Variants in ATXN10 observed in about 807,000 individuals in gnomAD.
The protein encoded by ATXN10 is ataxin 10, also known as ataxin-10.
ATXN10 carries 28 observed loss-of-function variants against 52.9 expected under a neutral mutation model. That is an observed-to-expected ratio of 0.53 (90% CI 0.39 to 0.73). ATXN10 has a LOEUF of 0.73. ATXN10 is among the 30% of genes least tolerant of loss of function. The probability of loss-of-function intolerance (pLI) is 0.00; values close to 1 mark genes in which losing one functional copy is unlikely to be tolerated. For missense variants in ATXN10, 565 were observed against 577.0 expected (o/e 0.98, Z 0.21); for synonymous variants, 226 against 221.5 (o/e 1.02, Z -0.18).
intron 5 of ATXN10, among the ~76,000 whole-genome samples, chr22:45,711,230 C>T (rs1014826914): frequency 1.3e-5 from 2 of 151,718 alleles, no homozygotes; most frequent in African/African-American, 2.4e-5. Context: ...GGGAAGATCT[C>T]ATGGTAATTA....
Position 45,684,308 on chromosome 22 carries a change from CA to C in ATXN10, c.117-5402del, listed in dbSNP as rs1220039309. Among the ~76,000 whole-genome samples the C allele has an allele frequency of 6.6e-6, 1 of 152,044 alleles. No individual in the cohort carries two copies. Among genetic ancestry groups the C allele is most frequent in the African/African-American group, 2.4e-5 (1 of 41,394 alleles). The stretch of plus-strand genomic sequence containing the variant: ...TTTGTTCTGATGAAAGATGAATTTT[CA>C]ATGTGATGAGGACAGTGGGAAAGAG... On this transcript the variant is annotated intron_variant, in intron 1 of 11. Transcript: ENST00000252934. The surrounding 1 kb of genome is among the most constrained non-coding windows in gnomAD (Gnocchi z 4.1).
chr22:45,740,754 G>GTGTATA, intron 9 of ATXN10: 1 of 286,154 alleles, frequency 3.5e-6, no homozygotes, highest in African/African-American at 2.5e-5. Context: ...GTGTGTGTGT[G>GTGTATA]TATATATATA....
At chr22:45,768,106 C>T (rs1324116220) in intron 9 of ATXN10, among the ~76,000 whole-genome samples, 1 of 152,008 alleles carries the variant, frequency 6.6e-6, no homozygotes, top group African/African-American at 2.4e-5. Flanking sequence ...TTTTTCTTTC[C>T]AGAAAGTGCC....
chr22:45,841,780 T>C lies in ATXN10; in HGVS notation c.1238-1211T>C, dbSNP rs1873514033. Among the ~76,000 whole-genome samples, 2 of 152,310 alleles carry C rather than the reference T, an allele frequency of 1.3e-5. No homozygotes were observed. The highest frequency in any genetic ancestry group is 4.8e-5 in the African/African-American group (2 of 41,564). ...GAAAGAGCACCAGCTTTGTGAATGT[T>C]GAAGTTTTCTCTGTGTTCTCATGCC... On this transcript the variant is annotated intron_variant, in intron 10 of 11. Coordinates refer to ENST00000252934, the MANE Select transcript of ATXN10 (RefSeq NM_013236.4). This position sits in a 1 kb window ranked among gnomAD's most constrained non-coding sequence, Gnocchi z 5.1.
chr22:45,758,180 C>G (rs1055765337), intron 9 of ATXN10, among the ~76,000 whole-genome samples: 1 of 152,222 alleles, frequency 6.6e-6, no homozygotes, highest in Non-Finnish European at 1.5e-5. Context: ...GGCTCAGAGT[C>G]GTCCACACTG....
At chr22:45,813,487 G>A in intron 10 of ATXN10, among the ~76,000 whole-genome samples, 1 of 124,510 alleles carries the variant, frequency 8.0e-6, no homozygotes, top group African/African-American at 3.1e-5. Context: ...CACCTAATTT[G>A]TAAGAAAACA....
rs993727721 is a variant in ATXN10, at chr22:45,828,867, T to C, written c.1238-14124T>C. Among the ~76,000 whole-genome samples the C allele has an allele frequency of 6.6e-6, 1 of 152,134 alleles. No individual in the cohort carries two copies. The highest frequency in any genetic ancestry group is 2.4e-5 in the African/African-American group (1 of 41,430). On this transcript the variant is annotated intron_variant, in intron 10 of 11. Transcript: ENST00000252934. The surrounding 1 kb of genome is among the most constrained non-coding windows in gnomAD (Gnocchi z 4.5). ...ACTAATACCAATCCTTCTCAAACTT[T>C]TCCAAAAAAATTGAGGAGAAGAGAA...
At chr22:45,747,272 G>A (rs1236675453) in intron 9 of ATXN10, among the ~76,000 whole-genome samples, 1 of 152,176 alleles carries the variant, frequency 6.6e-6, no homozygotes, top group Non-Finnish European at 1.5e-5. Flanking sequence ...TTGGAAGGCT[G>A]AGGCGGGAGA....
At chr22:45,782,149 A>G (rs1168663822) in intron 9 of ATXN10, among the ~76,000 whole-genome samples, 4 of 152,226 alleles carry the variant, frequency 2.6e-5, no homozygotes, top group Non-Finnish European at 4.4e-5. Flanking sequence ...CTATTAACCC[A>G]TCATTCCTGT....
intron 9 of ATXN10, chr22:45,740,744 G>GTA: frequency 2.8e-6 from 1 of 362,966 alleles, no homozygotes; most frequent in South Asian, 3.8e-5. Flanking sequence ...ACACACGTGT[G>GTA]TGTGTGTGTG....
At chr22:45,672,234 C>G in intron 1 of ATXN10, 55 bp downstream of exon 1, 2 of 1,431,476 alleles carry the variant, frequency 1.4e-6, no homozygotes, top group Non-Finnish European at 1.8e-6. Context: ...CCGGGACTCC[C>G]GCGGCGGCCC....
At chr22:45,694,940 CAAAAAAAAAA>C (rs748780048) in intron 3 of ATXN10, among the ~76,000 whole-genome samples, 18 of 21,924 alleles carry the variant, frequency 8.2e-4, no homozygotes, top group Non-Finnish European at 1.8e-3. Flanking sequence ...GACTCTGTCT[CAAAAAAAAAA>C]AAAAAAAAAA....
At chr22:45,747,218 G>A (rs946934997) in intron 9 of ATXN10, among the ~76,000 whole-genome samples, 12 of 152,252 alleles carry the variant, frequency 7.9e-5, no homozygotes, top group African/African-American at 2.9e-4. Context: ...AAATGTCTGG[G>A]GGGCCGGGTG....
chr22:45,796,618 C>T (rs529399863), intron 9 of ATXN10, among the ~76,000 whole-genome samples: 4 of 152,250 alleles, frequency 2.6e-5, no homozygotes, highest in African/African-American at 7.2e-5. Flanking sequence ...TTTCTCAGAC[C>T]GGCCGACACT....
chr22:45,806,498 T>C (rs1431165310), intron 9 of ATXN10, among the ~76,000 whole-genome samples: 1 of 152,238 alleles, frequency 6.6e-6, no homozygotes. Flanking sequence ...CCAGTTCTCA[T>C]TTGCCTTGAA....
intron 3 of ATXN10, among the ~76,000 whole-genome samples, chr22:45,694,800 G>C (rs918070387): frequency 1.3e-5 from 2 of 150,388 alleles, no homozygotes; most frequent in African/African-American, 4.9e-5. Context: ...AAAAGAACCG[G>C]GCATGGTGGC....
At chr22:45,801,678 T>C (rs745857151) in intron 9 of ATXN10, among the ~76,000 whole-genome samples, 3 of 152,238 alleles carry the variant, frequency 2.0e-5, no homozygotes, top group Non-Finnish European at 4.4e-5. Flanking sequence ...AAATTTCTTA[T>C]GATTGTAGAA....
chr22:45,796,136 A>AG (rs1250105159), intron 9 of ATXN10, among the ~76,000 whole-genome samples: 1 of 152,190 alleles, frequency 6.6e-6, no homozygotes, highest in Non-Finnish European at 1.5e-5. Flanking sequence ...ATGCATTCCC[A>AG]GGGGGAGGTC....
intron 9 of ATXN10, among the ~76,000 whole-genome samples, chr22:45,758,062 G>C (rs1266802822): frequency 1.3e-5 from 2 of 152,200 alleles, no homozygotes; most frequent in African/African-American, 2.4e-5. Context: ...CAGAACAGTG[G>C]CGTCAGGAAG....
Sources: gnomAD v4.1 joint callset for allele counts (sites outside exome capture counted in the v4.1 genomes callset) on GRCh38, gnomAD v4.1.1 for gene constraint, Gnocchi (gnomAD v3.1) non-coding constraint, MANE v1.5 for transcripts, NCBI Gene and HGNC (gene_info 2026-07-23, HGNC 2026-07-21) for gene names.